The following GNPTAB variants were observed in gnomAD, a reference collection of about 807,000 sequenced individuals.
GNPTAB encodes N-acetylglucosamine-1-phosphate transferase subunits alpha and beta.
GNPTAB carries 92 observed loss-of-function variants against 136.6 expected under a neutral mutation model. The observed-to-expected ratio is 0.67, with a 90% CI of 0.57 to 0.80. The LOEUF is 0.80. Ranked by LOEUF, GNPTAB falls within the 30% of genes least tolerant of loss-of-function variation. GNPTAB has a pLI of 0.00. For synonymous variants in GNPTAB, 512 were observed against 535.1 expected (o/e 0.96, Z 0.60); for missense variants, 1,343 against 1,501.8 (o/e 0.89, Z 1.75).
chr12:101,749,091 TA>T lies in GNPTAB; in HGVS notation c.3693+9del, dbSNP rs750658234. 148 of 1,497,710 alleles carry T rather than the reference TA, an allele frequency of 9.9e-5. No individual in the cohort carries two copies. Among genetic ancestry groups the T allele is most frequent in the Middle Eastern group, 1.7e-4 (1 of 5,858 alleles). The allele number at this position is 1,497,710 out of a possible 1,614,324, so 92.8% of individuals were successfully genotyped here. A position where few individuals can be genotyped will look rare whatever the true frequency, so the allele number is the denominator to read the frequency against. ...CCATTTAATACCCACATAAAATATA[TA>T]AAACTTACCTGCTCAGCAAAAAATG... On this transcript the variant is annotated intron_variant, in intron 20 of 20. Transcript: ENST00000299314.
At chr12:101,754,397 C>T (rs2137103101) in intron 18 of GNPTAB, among the ~76,000 whole-genome samples, 1 of 151,842 alleles carries the variant, frequency 6.6e-6, no homozygotes, top group East Asian at 1.9e-4. Context: ...CACCACTGCA[C>T]TCCAGCCTGG....
chr12:101,780,688 C>T, intron 5 of GNPTAB, 67 bp from the exon 6 acceptor site: 2 of 1,047,152 alleles, frequency 1.9e-6, no homozygotes, highest in South Asian at 1.3e-5. Context: ...TCTGGCAGAA[C>T]ACTGTGAAAA....
intron 7 of GNPTAB, 180 bp downstream of exon 7, chr12:101,779,972 A>T: frequency 1.5e-6 from 1 of 655,630 alleles, no homozygotes; most frequent in Admixed American, 2.6e-5. Flanking sequence ...ACCAAATAAG[A>T]CTCTTAGATT....
At chr12:101,795,058 A>C (rs1351501089) in intron 2 of GNPTAB, among the ~76,000 whole-genome samples, 3 of 152,244 alleles carry the variant, frequency 2.0e-5, no homozygotes, top group Non-Finnish European at 4.4e-5. Flanking sequence ...AATGTTAATC[A>C]ATTTAGAACT....
chr12:101,792,882 G>A (rs535047795), intron 2 of GNPTAB, among the ~76,000 whole-genome samples: 139 of 152,178 alleles, frequency 9.1e-4, no homozygotes, highest in African/African-American at 3.2e-3. Context: ...GATTTGCAAA[G>A]GTTTCCCTAT....
At position 101,789,953 on chromosome 12, in the gene GNPTAB, T is replaced by C. The variant is rs765860170; in HGVS notation, c.308A>G (p.Glu103Gly). The change falls in exon 3 of 21, where the codon GAG (glutamate) becomes GGG (glycine). Residue 103 changes from glutamate to glycine, a missense_variant. Glu to Gly is a moderately conservative substitution (Grantham distance 98, BLOSUM62 -2). Coordinates refer to ENST00000299314, the MANE Select transcript of GNPTAB (RefSeq NM_024312.5). ...LQQVREQMEE[E>G]QKAMREILGK... is the part of the protein sequence containing the mutation. ...TCAGTTTTACCTCATTGCTTTCTGC[T>C]CCTCCTCCATCTGTTCTCTGACCTG... 1.9e-6 allele frequency: 3 copies of C among 1,614,078 alleles called. No individual in the cohort carries two copies. The Admixed American group carries it at 5.0e-5, about 27-fold the overall frequency.
intron 2 of GNPTAB, chr12:101,795,945 T>C (rs891403030): frequency 1.5e-5 from 5 of 332,550 alleles, no homozygotes; most frequent in Non-Finnish European, 2.7e-5. Context: ...CTGAGGTCTG[T>C]CTTGTGAAGA....
chr12:101,808,009 CT>C (rs1205311852), intron 1 of GNPTAB, among the ~76,000 whole-genome samples: 2 of 152,030 alleles, frequency 1.3e-5, no homozygotes, highest in African/African-American at 4.8e-5. Flanking sequence ...TTAGCACCCC[CT>C]GCTAAAAAAG....
intron 19 of GNPTAB, among the ~76,000 whole-genome samples, chr12:101,752,808 T>C (rs778701649): frequency 1.3e-5 from 2 of 152,224 alleles, no homozygotes; most frequent in Non-Finnish European, 2.9e-5. Context: ...CAACAAACAG[T>C]TGAATAAATG....
intron 5 of GNPTAB, among the ~76,000 whole-genome samples, chr12:101,781,195 A>T (rs1953337919): frequency 6.6e-6 from 1 of 152,266 alleles, no homozygotes; most frequent in Admixed American, 6.5e-5. Flanking sequence ...CAACTGGGAG[A>T]GAGTTAGTGA....
In GNPTAB at chr12:101,764,603, T is replaced by TA; in HGVS notation, c.2313dup (p.Lys772Ter). The TA allele has an allele frequency of 6.2e-7, 1 of 1,614,126 alleles. No individual in the cohort carries two copies. Among genetic ancestry groups the TA allele is most frequent in the Non-Finnish European group, 8.5e-7 (1 of 1,180,010 alleles). On this transcript the variant is annotated frameshift_variant, in exon 13 of 21. Transcript: ENST00000299314. LOFTEE classifies it high-confidence loss of function. Reference sequence around the variant, plus strand: ...CCTAAGCTGTTTGGCAAGATGCTTTTATGAACCTGTTTTTCCTGTGGAGCC... The same window carrying TA: ...CCTAAGCTGTTTGGCAAGATGCTTTTAATGAACCTGTTTTTCCTGTGGAGCC...
Position 101,746,987 on chromosome 12 carries a change from T to A in GNPTAB, c.*177A>T. 3.3e-6 allele frequency: 2 copies of A among 613,902 alleles called. No individual in the cohort carries two copies. Among genetic ancestry groups the A allele is most frequent in the South Asian group, 3.7e-5 (2 of 53,928 alleles). 38.0% of individuals were successfully genotyped at this position (613,902 alleles called of 1,614,324 possible). Reference sequence around the variant, plus strand: ...GCTCAACACACAAGTTTTCAGTGGGTTGGTTAAATAATTCCTGGTCAGTGG... The same window carrying A: ...GCTCAACACACAAGTTTTCAGTGGGATGGTTAAATAATTCCTGGTCAGTGG... On this transcript the variant is annotated 3_prime_UTR_variant, in exon 21 of 21. Coordinates refer to ENST00000299314, the MANE Select transcript of GNPTAB (RefSeq NM_024312.5).
intron 1 of GNPTAB, among the ~76,000 whole-genome samples, chr12:101,804,788 C>T (rs1869847782): frequency 2.0e-5 from 3 of 152,320 alleles, no homozygotes; most frequent in Admixed American, 2.0e-4. Context: ...CACAAAAATA[C>T]ACAAGGTGGC....
chr12:101,764,126 G>A lies in GNPTAB; in HGVS notation c.2715+76C>T, dbSNP rs1953045630. The stretch of plus-strand genomic sequence containing the variant: ...GGCACAGGGAAGTGCTGAATAAATG[G>A]TAGCTATAATGATATTATCATGAGA... On this transcript the variant is annotated intron_variant, in intron 13 of 20. Coordinates refer to ENST00000299314, the MANE Select transcript of GNPTAB (RefSeq NM_024312.5). 3 of 1,591,200 alleles carry A rather than the reference G, an allele frequency of 1.9e-6. No homozygotes were observed. In the African/African-American group the frequency reaches 4.1e-5, roughly 21 times the overall value.
intron 15 of GNPTAB, among the ~76,000 whole-genome samples, chr12:101,760,785 T>C (rs892879088): frequency 1.4e-4 from 21 of 150,436 alleles, no homozygotes; most frequent in African/African-American, 4.9e-4. Flanking sequence ...TCTTTTCTTT[T>C]TTTTTTTTTT....
intron 1 of GNPTAB, among the ~76,000 whole-genome samples, chr12:101,817,851 A>AT (rs1435384166): frequency 1.3e-5 from 2 of 152,092 alleles, no homozygotes; most frequent in East Asian, 1.9e-4. Flanking sequence ...TTGATGTGGG[A>AT]TTTTCACCCC....
rs555419374 is a variant in GNPTAB, at chr12:101,749,989, A to G, written c.3603-798T>C. 7.9e-5 allele frequency among the ~76,000 whole-genome samples: 12 copies of G among 152,296 alleles called. No individual in the cohort carries two copies. The East Asian group carries it at 2.3e-3, about 29-fold the overall frequency. ...TCAGGGTAAACATGTTGGCCATTTG[A>G]AGGATGGACAAACAAGGAAGGCAGG... On this transcript the variant is annotated intron_variant, in intron 19 of 20. Transcript: ENST00000299314.
rs984183367 is a variant in GNPTAB, at chr12:101,788,474, A to G, written c.365+74T>C. On this transcript the variant is annotated intron_variant, in intron 4 of 20. Transcript: ENST00000299314. Reference sequence around the variant, plus strand: ...AAACACAAAATCCTGTGTACCCAATAAAAACAAATGATAATCTGAAATTTC... The same window carrying G: ...AAACACAAAATCCTGTGTACCCAATGAAAACAAATGATAATCTGAAATTTC... The G allele has an allele frequency of 1.4e-5, 13 of 929,616 alleles. 1 individual carries two copies. Among genetic ancestry groups the G allele is most frequent in the Middle Eastern group, 2.2e-4 (1 of 4,560 alleles). The allele number at this position is 929,616 out of a possible 1,614,324, so 57.6% of individuals were successfully genotyped here.
At chr12:101,758,274 A>T (rs1952933680) in intron 16 of GNPTAB, among the ~76,000 whole-genome samples, 1 of 151,980 alleles carries the variant, frequency 6.6e-6, no homozygotes, top group African/African-American at 2.4e-5. Flanking sequence ...CCTGACCTCA[A>T]GTGATCCGCC....
Sources: gnomAD v4.1 joint callset for allele counts (sites outside exome capture counted in the v4.1 genomes callset) on GRCh38, gnomAD v4.1.1 for gene constraint, MANE v1.5 for transcripts, NCBI Gene and HGNC (gene_info 2026-07-23, HGNC 2026-07-21) for gene names.